RBFOX1: variants seen among roughly 807,000 people sequenced by gnomAD.
The protein encoded by RBFOX1 is RNA binding protein fox-1 homolog 1.
In RBFOX1, 8 loss-of-function variants were observed where a neutral mutation model predicts 57.7. The ratio of observed to expected loss-of-function variants is 0.14; its 90% CI spans 0.08 to 0.25. RBFOX1 has a LOEUF of 0.25. RBFOX1 is among the 10% of genes least tolerant of loss of function. The pLI, the probability that RBFOX1 is intolerant of heterozygous loss-of-function variation, is 1.00. For missense variants in RBFOX1, 611 were observed against 548.5 expected (o/e 1.11, Z -1.14); for synonymous variants, 326 against 222.4 (o/e 1.47, Z -4.15).
At chr16:7,022,674 C>G (rs928402503) in intron 3 of RBFOX1, among the ~76,000 whole-genome samples, 1 of 151,902 alleles carries the variant, frequency 6.6e-6, no homozygotes, top group African/African-American at 2.4e-5. Flanking sequence ...TGACATGTAG[C>G]AGATGAAAGC....
chr16:5,848,622 A>G (rs2056814380), intron 3 of RBFOX1, among the ~76,000 whole-genome samples: 1 of 152,170 alleles, frequency 6.6e-6, no homozygotes, highest in Non-Finnish European at 1.5e-5. Flanking sequence ...AAGTCTTCCT[A>G]CAGCAGGTGA....
At chr16:6,123,667 G>A (rs4786822) in intron 1 of RBFOX1, among the ~76,000 whole-genome samples, 60,861 of 152,108 alleles carry the variant, frequency 0.4, 13,024 homozygotes, top group South Asian at 0.56. Context: ...CACTTTGGGA[G>A]GCTGAGGTGG....
chr16:6,227,576 G>C (rs879269328), intron 1 of RBFOX1, among the ~76,000 whole-genome samples: 4 of 151,676 alleles, frequency 2.6e-5, no homozygotes, highest in Non-Finnish European at 5.9e-5. Context: ...CCAGCCACAC[G>C]CCCTTCTCCT....
intron 3 of RBFOX1, among the ~76,000 whole-genome samples, chr16:6,701,994 C>T (rs1426840423): frequency 6.6e-6 from 1 of 152,092 alleles, no homozygotes; most frequent in South Asian, 2.1e-4. Flanking sequence ...CTGTTGGGTA[C>T]TATGCTTATT....
At chr16:6,744,164 G>T (rs1568432843) in intron 3 of RBFOX1, among the ~76,000 whole-genome samples, 1 of 152,058 alleles carries the variant, frequency 6.6e-6, no homozygotes, top group Non-Finnish European at 1.5e-5. Context: ...AATGGAAAAG[G>T]TGACTTAATC....
Position 5,706,116 on chromosome 16 carries a change from G to C in RBFOX1, c.318+107155G>C, listed in dbSNP as rs188979657. 3.9e-5 allele frequency among the ~76,000 whole-genome samples: 6 copies of C among 152,294 alleles called. No individual in the cohort carries two copies. The East Asian group carries it at 1.2e-3, about 29-fold the overall frequency. On this transcript the variant is annotated intron_variant, in intron 3 of 19. Coordinates refer to the RBFOX1 transcript ENST00000641259. ...AGTAGAGATGGGGTTTCACCATGTT[G>C]GCCAGGATGGTCTTGAACTCCTGAC...
intron 3 of RBFOX1, among the ~76,000 whole-genome samples, chr16:6,824,987 T>TTTTTTTTTTTTTTTTTTTTG (rs2091928380): frequency 1.5e-5 from 1 of 67,494 alleles, no homozygotes; most frequent in South Asian, 6.0e-4. Context: ...TTCTTGGTTT[T>TTTTTTTTTTTTTTTTTTTTG]TTTTTTTTTT....
intron 4 of RBFOX1, among the ~76,000 whole-genome samples, chr16:7,399,447 CAAAT>C (rs1173580173): frequency 4.6e-5 from 7 of 152,016 alleles, no homozygotes; most frequent in African/African-American, 1.4e-4. Flanking sequence ...AACTCTGTCT[CAAAT>C]AAATAAATAA....
intron 3 of RBFOX1, among the ~76,000 whole-genome samples, chr16:6,991,815 C>T (rs932753618): frequency 7.2e-5 from 11 of 152,186 alleles, no homozygotes; most frequent in Non-Finnish European, 1.5e-4. Flanking sequence ...GCTAGGATTA[C>T]AGGTGTGACC....
chr16:6,772,981 G>GTAAGTGTA (rs2078613680), intron 3 of RBFOX1, among the ~76,000 whole-genome samples: 3 of 142,002 alleles, frequency 2.1e-5, no homozygotes, highest in East Asian at 2.2e-4. Context: ...TTGTGTGCGT[G>GTAAGTGTA]TGTGTGGGTG....
At chr16:6,992,349 C>T (rs2091622758) in intron 3 of RBFOX1, among the ~76,000 whole-genome samples, 1 of 152,036 alleles carries the variant, frequency 6.6e-6, no homozygotes, top group Non-Finnish European at 1.5e-5. Flanking sequence ...TTCCCAGTAG[C>T]TGGGACTACA....
intron 2 of RBFOX1, among the ~76,000 whole-genome samples, chr16:6,640,402 A>T (rs2098477373): frequency 6.6e-6 from 1 of 152,102 alleles, no homozygotes; most frequent in Non-Finnish European, 1.5e-5. Context: ...GGAGGCCAGG[A>T]GTGTGAGACC....
At chr16:6,716,659 C>G (rs1010005273) in intron 3 of RBFOX1, among the ~76,000 whole-genome samples, 12 of 152,202 alleles carry the variant, frequency 7.9e-5, no homozygotes, top group African/African-American at 2.4e-4. Flanking sequence ...CTGCCCATGA[C>G]TCAGTCTTGT....
At chr16:6,222,818 G>T (rs552787017) in intron 1 of RBFOX1, among the ~76,000 whole-genome samples, 1 of 151,502 alleles carries the variant, frequency 6.6e-6, no homozygotes, top group Admixed American at 6.6e-5. Context: ...GTCATTTAGC[G>T]TTAGGTATAT....
intron 2 of RBFOX1, among the ~76,000 whole-genome samples, chr16:6,617,510 T>G (rs2154031489): frequency 6.6e-6 from 1 of 152,130 alleles, no homozygotes; most frequent in Admixed American, 6.5e-5. Flanking sequence ...AGCAGAAGTT[T>G]CACTGGACCC....
At chr16:7,192,554 A>AC (rs1156343830) in intron 4 of RBFOX1, among the ~76,000 whole-genome samples, 1 of 152,198 alleles carries the variant, frequency 6.6e-6, no homozygotes, top group Non-Finnish European at 1.5e-5. Context: ...AAGACAAATA[A>AC]CAGCAAAATA....
intron 2 of RBFOX1, among the ~76,000 whole-genome samples, chr16:6,476,567 A>C (rs12934007): frequency 0.22 from 33,088 of 152,166 alleles, 4,490 homozygotes; most frequent in Non-Finnish European, 0.3. Context: ...CTAAAATAAA[A>C]ATGCCAACAA....
At chr16:7,087,904 C>G (rs1203106639) in intron 4 of RBFOX1, among the ~76,000 whole-genome samples, 2 of 152,148 alleles carry the variant, frequency 1.3e-5, no homozygotes, top group African/African-American at 2.4e-5. Context: ...CTTTCTCTCT[C>G]TCTCTCGCTC....
chr16:7,443,013 C>G lies in RBFOX1; in HGVS notation c.28-75134C>G, dbSNP rs916834412. Among the ~76,000 whole-genome samples the G allele has an allele frequency of 8.5e-5, 13 of 152,172 alleles. 1 individual carries two copies. The highest frequency in any genetic ancestry group is 7.7e-4 in the East Asian group (4 of 5,174). ...ACTGGGAAGGAAACACCATCAAACA[C>G]TTTAATTAACATCCTTTTTACTTTG... On this transcript the variant is annotated intron_variant, in intron 4 of 15. Transcript: ENST00000550418.
Sources: allele counts gnomAD v4.1 joint callset (sites outside exome capture counted in the v4.1 genomes callset), GRCh38; gene constraint gnomAD v4.1.1; transcripts MANE v1.5; gene names NCBI Gene and HGNC (gene_info 2026-07-23, HGNC 2026-07-21).